Variants in RBFOX1 observed in about 807,000 individuals in gnomAD.
RBFOX1 encodes RNA binding protein fox-1 homolog 1.
In RBFOX1, 8 loss-of-function variants were observed where a neutral mutation model predicts 57.7. The ratio of observed to expected loss-of-function variants is 0.14; its 90% CI spans 0.08 to 0.25. The LOEUF is 0.25. Among genes scored for constraint, RBFOX1 ranks in the 10% least tolerant of loss-of-function variants. The pLI, the probability that RBFOX1 is intolerant of heterozygous loss-of-function variation, is 1.00. For missense variants in RBFOX1, 611 were observed against 548.5 expected (o/e 1.11, Z -1.14); for synonymous variants, 326 against 222.4 (o/e 1.47, Z -4.15).
chr16:7,516,738 C>G (rs1567621484), intron 4 of RBFOX1, among the ~76,000 whole-genome samples: 2 of 152,186 alleles, frequency 1.3e-5, no homozygotes, highest in South Asian at 2.1e-4. Context: ...TAAACTTATC[C>G]TAAGCTTAGT....
chr16:6,290,609 C>A (rs540340314), intron 1 of RBFOX1, among the ~76,000 whole-genome samples: 8 of 151,448 alleles, frequency 5.3e-5, no homozygotes, highest in African/African-American at 1.9e-4. Context: ...TAGCGGTCAT[C>A]CTATTGTGTC....
intron 14 of RBFOX1, among the ~76,000 whole-genome samples, chr16:7,704,825 C>T (rs1404962038): frequency 1.3e-5 from 2 of 149,456 alleles, no homozygotes; most frequent in Admixed American, 6.6e-5. Context: ...CCAAGGCAGG[C>T]AGATCACTTG....
At chr16:6,942,048 G>C (rs1254231609) in intron 3 of RBFOX1, among the ~76,000 whole-genome samples, 1 of 152,068 alleles carries the variant, frequency 6.6e-6, no homozygotes, top group Non-Finnish European at 1.5e-5. Flanking sequence ...GGCCAAAATG[G>C]TGAAACCCCA....
At chr16:6,766,903 C>T (rs2077408291) in intron 3 of RBFOX1, among the ~76,000 whole-genome samples, 1 of 152,154 alleles carries the variant, frequency 6.6e-6, no homozygotes, top group Non-Finnish European at 1.5e-5. Context: ...AGTCTGAGGA[C>T]ACTTGACCTG....
In RBFOX1 at chr16:7,333,221, A is replaced by G. The variant is rs530881283; in HGVS notation, c.28-184926A>G. ...CTCGCGTAGTCAGTGAGAAGACAGT[A>G]GGAAATCAAAAAGATGGATCACCCT... On this transcript the variant is annotated intron_variant, in intron 4 of 15. Transcript: ENST00000550418. 1.0e-5 allele frequency: 8 copies of G among 769,438 alleles called. No homozygotes were observed. In the East Asian group the frequency reaches 2.1e-4, roughly 20 times the overall value. The allele number at this position is 769,438 out of a possible 1,614,324, so 47.7% of individuals were successfully genotyped here. A position where few individuals can be genotyped will look rare whatever the true frequency, so the allele number is the denominator to read the frequency against.
At chr16:6,129,708 A>AT in intron 1 of RBFOX1, among the ~76,000 whole-genome samples, 1 of 151,228 alleles carries the variant, frequency 6.6e-6, no homozygotes, top group African/African-American at 2.4e-5. Flanking sequence ...GAATTAAAAA[A>AT]AAAAAAAAGA....
At chr16:5,804,626 C>G (rs143443717) in intron 3 of RBFOX1, among the ~76,000 whole-genome samples, 2 of 152,142 alleles carry the variant, frequency 1.3e-5, no homozygotes, top group African/African-American at 4.8e-5. Context: ...TGACTGCTCT[C>G]CACCCTGCTG....
At chr16:7,683,086 G>A (rs867422641) in intron 14 of RBFOX1, among the ~76,000 whole-genome samples, 2 of 75,950 alleles carry the variant, frequency 2.6e-5, no homozygotes, top group African/African-American at 1.2e-4. Flanking sequence ...CAAAAAATTA[G>A]GATAACTAAG....
intron 1 of RBFOX1, among the ~76,000 whole-genome samples, chr16:6,259,516 T>A (rs2097688735): frequency 6.6e-6 from 1 of 152,166 alleles, no homozygotes; most frequent in African/African-American, 2.4e-5. Context: ...TTCTCTCTCC[T>A]CAAACTCACT....
intron 1 of RBFOX1, among the ~76,000 whole-genome samples, chr16:6,215,948 C>G (rs1295219453): frequency 6.6e-6 from 1 of 152,090 alleles, no homozygotes; most frequent in African/African-American, 2.4e-5. Flanking sequence ...AAGATCACAG[C>G]CGTAAAAAGA....
intron 3 of RBFOX1, among the ~76,000 whole-genome samples, chr16:5,687,625 C>G (rs2215245): frequency 2.0e-5 from 3 of 151,968 alleles, no homozygotes; most frequent in Non-Finnish European, 4.4e-5. Flanking sequence ...GTCATTGTAG[C>G]GTCACCATGA....
intron 3 of RBFOX1, among the ~76,000 whole-genome samples, chr16:6,708,431 C>T (rs377069720): frequency 2.0e-5 from 3 of 152,082 alleles, no homozygotes; most frequent in Admixed American, 1.3e-4. Flanking sequence ...GATTTTGTAC[C>T]TGTCATTTTT....
intron 2 of RBFOX1, among the ~76,000 whole-genome samples, chr16:6,644,025 C>T (rs1420449000): frequency 6.6e-6 from 1 of 152,122 alleles, no homozygotes; most frequent in East Asian, 1.9e-4. Context: ...ACTAGGTAGG[C>T]TGAGGCAGGA....
chr16:5,330,018 C>G (rs956939068), intron 1 of RBFOX1, among the ~76,000 whole-genome samples: 3 of 150,796 alleles, frequency 2.0e-5, no homozygotes, highest in Admixed American at 2.0e-4. Context: ...GATGCGGTGT[C>G]TGATGAGTGC....
intron 4 of RBFOX1, among the ~76,000 whole-genome samples, chr16:7,159,639 G>C (rs181261992): frequency 1.3e-5 from 2 of 152,304 alleles, no homozygotes; most frequent in African/African-American, 2.4e-5. Context: ...GTGTGTGTTT[G>C]TGCTGGTTCT....
intron 4 of RBFOX1, among the ~76,000 whole-genome samples, chr16:7,303,708 C>T (rs1350343139): frequency 6.6e-6 from 1 of 151,942 alleles, no homozygotes; most frequent in East Asian, 1.9e-4. Flanking sequence ...CAGTGTGAGT[C>T]AAAACCTCTC....
chr16:7,691,233 A>C (rs1251294920), intron 14 of RBFOX1, among the ~76,000 whole-genome samples: 1 of 152,128 alleles, frequency 6.6e-6, no homozygotes, highest in Non-Finnish European at 1.5e-5. Flanking sequence ...GTGAATTTGT[A>C]GTCAGAAGTA....
At position 6,111,233 on chromosome 16, in the gene RBFOX1, C is replaced by G. The variant is rs1230824656; in HGVS notation, c.-127+91241C>G. ...TTGCTGGAACAGACGTCTCATCAGT[C>G]AGAACAGAAATGCAATGTCACCCCA... On this transcript the variant is annotated intron_variant, in intron 1 of 15. Coordinates refer to ENST00000550418, the MANE Select transcript of RBFOX1 (RefSeq NM_018723.4). Among the ~76,000 whole-genome samples the G allele has an allele frequency of 3.9e-5, 6 of 152,284 alleles. No homozygotes were observed. The East Asian group carries it at 5.8e-4, about 15-fold the overall frequency.
chr16:6,124,668 AGTT>A (rs1446594005), intron 1 of RBFOX1, among the ~76,000 whole-genome samples: 6 of 152,014 alleles, frequency 3.9e-5, no homozygotes, highest in East Asian at 3.9e-4. Flanking sequence ...ATGCCCGGCT[AGTT>A]GTTGTTGTTG....
Sources: allele counts gnomAD v4.1 joint callset (sites outside exome capture counted in the v4.1 genomes callset), GRCh38; gene constraint gnomAD v4.1.1; transcripts MANE v1.5; gene names NCBI Gene and HGNC (gene_info 2026-07-23, HGNC 2026-07-21).